Variants in OLFM4 observed in about 807,000 individuals in gnomAD.
The protein encoded by OLFM4 is olfactomedin-4.
In OLFM4, 22 loss-of-function variants were observed where a neutral mutation model predicts 25.5. The observed-to-expected ratio is 0.86, with a 90% CI of 0.62 to 1.23. The LOEUF is 1.23. Ranked by LOEUF, OLFM4 falls within the 50% of genes most tolerant of loss-of-function variation. OLFM4 has a pLI of 0.00. For missense variants in OLFM4, 594 were observed against 619.4 expected (o/e 0.96, Z 0.44); for synonymous variants, 255 against 237.7 (o/e 1.07, Z -0.67).
At chr13:53,037,165 T>C (rs1030303807) in intron 2 of OLFM4, among the ~76,000 whole-genome samples, 1 of 152,226 alleles carries the variant, frequency 6.6e-6, no homozygotes, top group African/African-American at 2.4e-5. Context: ...CATTGATTCA[T>C]TGTCTGTCAG....
At chr13:53,030,689 A>C (rs1195227981) in intron 1 of OLFM4, among the ~76,000 whole-genome samples, 1 of 152,236 alleles carries the variant, frequency 6.6e-6, no homozygotes, top group Non-Finnish European at 1.5e-5. Context: ...AGGTGAAGTC[A>C]TTAGTTTTAA....
In OLFM4 at chr13:53,041,986, A is replaced by G; in HGVS notation, c.434A>G (p.Glu145Gly). 6.2e-7 allele frequency: 1 copy of G among 1,614,006 alleles called. No homozygotes were observed. The highest frequency in any genetic ancestry group is 8.5e-7 in the Non-Finnish European group (1 of 1,179,890). The change falls in exon 3 of 5, where the codon GAG becomes GGG. Residue 145 changes from glutamate to glycine, a missense_variant. Coordinates refer to ENST00000219022, the MANE Select transcript of OLFM4 (RefSeq NM_006418.5). ...LNLTVRIDIM[E>G]KDTISYTELD... ...CTAACTGTCCGAATTGACATCATGG[A>G]GAAGGATACCATTTCTTACACTGAA...
Position 53,051,410 on chromosome 13 carries a change from A to G in OLFM4, c.*639A>G, listed in dbSNP as rs1472706951. 6.6e-6 allele frequency: 1 copy of G among 152,058 alleles called. No homozygotes were observed. Among genetic ancestry groups the G allele is most frequent in the Admixed American group, 6.6e-5 (1 of 15,246 alleles). 9.4% of individuals were successfully genotyped at this position (152,058 alleles called of 1,614,324 possible). A position where few individuals can be genotyped will look rare whatever the true frequency, so the allele number is the denominator to read the frequency against. On this transcript the variant is annotated 3_prime_UTR_variant, in exon 5 of 5. Transcript: ENST00000219022. ...TACATGGCAAATAAATCCCAGAAGGATCTGTAGATGAGGCACCTGCTTTTT... is the reference window on the plus strand; with the variant it reads ...TACATGGCAAATAAATCCCAGAAGGGTCTGTAGATGAGGCACCTGCTTTTT...
rs755461447 is a variant in OLFM4, at chr13:53,028,882, G to A, written c.46G>A (p.Gly16Ser). 6.2e-7 allele frequency: 1 copy of A among 1,614,200 alleles called. No individual in the cohort carries two copies. Among genetic ancestry groups the A allele is most frequent in the Middle Eastern group, 1.6e-4 (1 of 6,062 alleles). ...TCTCCTAGCCCTTCTGTTCTTCCTT[G>A]GCCAAGCTGCAGGGGATTTGGGGGA... The part of the protein sequence containing the change: ...SFLLALLFFL[G>S]QAAGDLGDVG... Residue 16 changes from glycine (G) to serine (S), a missense_variant, in exon 1 of 5, where the codon GGC becomes AGC. Coordinates refer to ENST00000219022, the MANE Select transcript of OLFM4 (RefSeq NM_006418.5).
At position 53,043,216 on chromosome 13, in the gene OLFM4, G is replaced by T. The variant is rs1470151934; in HGVS notation, c.682G>T (p.Ala228Ser). The change falls in exon 4 of 5, where the codon GCC (alanine) becomes TCC (serine). Residue 228 changes from alanine (A) to serine (S), a missense_variant. Coordinates refer to ENST00000219022, the MANE Select transcript of OLFM4 (RefSeq NM_006418.5). ...GAAGACCAAGCTGAAAGAGTGTGAG[G>T]CCTCTAAAGATCAAAACACCCCTGT... is the stretch of plus-strand genomic sequence containing the variant. ...ALKTKLKECE[A>S]SKDQNTPVVH... 10 of 1,612,422 alleles carry T rather than the reference G, an allele frequency of 6.2e-6. No individual in the cohort carries two copies. The highest frequency in any genetic ancestry group is 8.5e-6 in the Non-Finnish European group (10 of 1,179,416).
At chr13:53,033,041 TC>T (rs1261419625) in intron 1 of OLFM4, among the ~76,000 whole-genome samples, 1 of 152,172 alleles carries the variant, frequency 6.6e-6, no homozygotes, top group Non-Finnish European at 1.5e-5. Context: ...GGGTTGGCTT[TC>T]AGATGAGATC....
At chr13:53,048,536 G>A (rs866249464) in intron 4 of OLFM4, among the ~76,000 whole-genome samples, 1 of 152,210 alleles carries the variant, frequency 6.6e-6, no homozygotes, top group Non-Finnish European at 1.5e-5. Context: ...GTCCTTGGGT[G>A]AGGAGGATGG....
intron 3 of OLFM4, 65 bp from the exon 4 acceptor site, chr13:53,043,040 C>G: frequency 7.8e-7 from 1 of 1,288,836 alleles, no homozygotes; most frequent in South Asian, 1.5e-5. Context: ...CAAATTCAGC[C>G]CTGGAATGTT....
At chr13:53,043,378 T>G (rs1054802771) in intron 4 of OLFM4, 114 bp downstream of exon 4, 7 of 902,194 alleles carry the variant, frequency 7.8e-6, no homozygotes, top group Admixed American at 3.2e-5. Context: ...GTTGTTTTTT[T>G]TTTTTTTTTT....
chr13:53,036,303 A>T (rs1954658133), intron 2 of OLFM4, among the ~76,000 whole-genome samples: 1 of 152,252 alleles, frequency 6.6e-6, no homozygotes. Flanking sequence ...TCAAGTACAG[A>T]TAAGAAGTTA....
intron 2 of OLFM4, among the ~76,000 whole-genome samples, chr13:53,039,575 C>T (rs1954677162): frequency 6.6e-6 from 1 of 152,138 alleles, no homozygotes; most frequent in Admixed American, 6.5e-5. Flanking sequence ...TATAAGTAAT[C>T]TAGACTTGAT....
intron 2 of OLFM4, among the ~76,000 whole-genome samples, chr13:53,038,786 A>G (rs1323263157): frequency 5.3e-5 from 8 of 152,226 alleles, no homozygotes; most frequent in African/African-American, 1.9e-4. Flanking sequence ...TTGTCCACGC[A>G]TTCCCAAAGC....
intron 2 of OLFM4, among the ~76,000 whole-genome samples, chr13:53,035,176 C>A (rs1954651762): frequency 6.6e-6 from 1 of 151,926 alleles, no homozygotes; most frequent in Non-Finnish European, 1.5e-5. Flanking sequence ...TTTCCTTTAA[C>A]CCTTTTTTAT....
Position 53,050,664 on chromosome 13 carries a change from G to A in OLFM4, c.1426G>A (p.Glu476Lys). The A allele has an allele frequency of 6.2e-7, 1 of 1,613,608 alleles. No individual in the cohort carries two copies. Among genetic ancestry groups the A allele is most frequent in the Admixed American group, 1.7e-5 (1 of 59,918 alleles). The change falls in exon 5 of 5, where the codon GAA (glutamate) becomes AAA (lysine). Residue 476 changes from glutamate to lysine, a missense_variant. Glu to Lys is a moderately conservative substitution (Grantham distance 56). Coordinates refer to ENST00000219022, the MANE Select transcript of OLFM4 (RefSeq NM_006418.5). ...KLDIVMHKMQ[E>K]KVQSINYNPF... ...AGACATTGTAATGCATAAGATGCAGGAAAAAGTGCAGAGCATTAACTATAA... is the reference window on the plus strand; with the variant it reads ...AGACATTGTAATGCATAAGATGCAGAAAAAAGTGCAGAGCATTAACTATAA...
At position 53,043,233 on chromosome 13, in the gene OLFM4, C is replaced by T; in HGVS notation, c.699C>T (p.Asn233=). 1 of 1,610,650 alleles carries T rather than the reference C, an allele frequency of 6.2e-7. No individual in the cohort carries two copies. The highest frequency in any genetic ancestry group is 1.3e-5 in the African/African-American group (1 of 74,742). ...AGTGTGAGGCCTCTAAAGATCAAAA[C>T]ACCCCTGTCGTCCACCCTCCTCCCA... is the stretch of plus-strand genomic sequence containing the variant. ...LKECEASKDQ[N]TPVVHPPPTP... is the part of the protein sequence containing the mutation. The change falls in exon 4 of 5, where the codon AAC becomes AAT. Residue 233 remains asparagine (N), a synonymous_variant. Transcript: ENST00000219022.
At chr13:53,035,373 C>T (rs1046629531) in intron 2 of OLFM4, among the ~76,000 whole-genome samples, 2 of 152,092 alleles carry the variant, frequency 1.3e-5, no homozygotes, top group Admixed American at 6.6e-5. Flanking sequence ...ATGAGATACC[C>T]TGAGACAGGC....
chr13:53,047,175 G>A (rs1954719931), intron 4 of OLFM4, among the ~76,000 whole-genome samples: 1 of 152,180 alleles, frequency 6.6e-6, no homozygotes, highest in Non-Finnish European at 1.5e-5. Flanking sequence ...CAAGTGTCAG[G>A]GTGAAATTGG....
intron 2 of OLFM4, among the ~76,000 whole-genome samples, chr13:53,035,313 T>C (rs1487115620): frequency 6.8e-6 from 1 of 146,876 alleles, no homozygotes; most frequent in Non-Finnish European, 1.5e-5. Flanking sequence ...TCTTTATTTT[T>C]AATCTTATTT....
intron 2 of OLFM4, among the ~76,000 whole-genome samples, chr13:53,037,061 G>A (rs746007821): frequency 1.3e-5 from 2 of 152,210 alleles, no homozygotes; most frequent in East Asian, 3.8e-4. Flanking sequence ...TATTACAGCT[G>A]TCCCTAGGTT....
Sources: allele counts gnomAD v4.1 joint callset (sites outside exome capture counted in the v4.1 genomes callset), GRCh38; gene constraint gnomAD v4.1.1; transcripts MANE v1.5; gene names NCBI Gene and HGNC (gene_info 2026-07-23, HGNC 2026-07-21).